NLRC5: variants seen among roughly 807,000 people sequenced by gnomAD.
NLRC5 encodes protein NLRC5.
NLRC5 carries 114 observed loss-of-function variants against 206.9 expected under a neutral mutation model. The ratio of observed to expected loss-of-function variants is 0.55; its 90% confidence interval spans 0.47 to 0.64. The LOEUF is 0.64. NLRC5 is among the 30% of genes least tolerant of loss of function. The pLI is 0.00. For missense variants in NLRC5, 2,008 were observed against 2,305.5 expected, an observed-to-expected ratio of 0.87 and a Z score of 2.64; for synonymous variants, 952 against 962.8, an observed-to-expected ratio of 0.99 and a Z score of 0.21.
intron 10 of NLRC5, among the ~76,000 whole-genome samples, chr16:57,030,453 T>TGGATGGAC (rs2061718355): frequency 7.6e-6 from 1 of 132,016 alleles, no homozygotes; most frequent in African/African-American, 2.9e-5. Flanking sequence ...GATGGATGGA[T>TGGATGGAC]GGATGGATGG....
intron 13 of NLRC5, chr16:57,034,982 C>A (rs545358265): frequency 6.6e-6 from 1 of 152,336 alleles, no homozygotes; most frequent in Admixed American, 6.5e-5. Flanking sequence ...TCGTGGTGAT[C>A]ACCTCTTGAT....
intron 48 of NLRC5, 84 bp from the exon 49 acceptor site, chr16:57,082,333 T>C: frequency 1.8e-6 from 2 of 1,087,034 alleles, no homozygotes; most frequent in Non-Finnish European, 2.8e-6. Flanking sequence ...GCTCTACCTT[T>C]TTGGGCCTCA....
chr16:57,081,403 C>G, intron 47 of NLRC5, 124 bp from the exon 48 acceptor site: 1 of 1,006,466 alleles, frequency 9.9e-7, no homozygotes. Flanking sequence ...TTTGGGTTCC[C>G]TGAGAAGGTA....
At chr16:57,016,343 A>C (rs1165970895) in intron 1 of NLRC5, among the ~76,000 whole-genome samples, 12 of 152,226 alleles carry the variant, frequency 7.9e-5, no homozygotes, top group Non-Finnish European at 1.6e-4. Flanking sequence ...CCATTATGTC[A>C]GAATGTGCCC....
chr16:57,082,682 T>C lies in NLRC5; in HGVS notation c.*154T>C. On this transcript the variant is annotated 3_prime_UTR_variant, in exon 49 of 49. Transcript: ENST00000688547. ...GGATACGTGTGTCCTGCTGCAGTCC[T>C]CAGGGAGAACTTTTTTGGGAACCAG... 2 of 588,686 alleles carry C rather than the reference T, an allele frequency of 3.4e-6. No individual in the cohort carries two copies. The allele number at this position is 588,686 out of a possible 1,614,324, so 36.5% of individuals were successfully genotyped here.
intron 15 of NLRC5, among the ~76,000 whole-genome samples, chr16:57,039,192 A>G (rs1274197436): frequency 6.6e-6 from 1 of 152,232 alleles, no homozygotes; most frequent in African/African-American, 2.4e-5. Flanking sequence ...CAGAACACTG[A>G]CTAGCAGAGA....
chr16:57,033,822 T>A (rs1451644480), intron 12 of NLRC5, among the ~76,000 whole-genome samples, 153 bp downstream of exon 12: 3 of 152,190 alleles, frequency 2.0e-5, no homozygotes, highest in African/African-American at 7.2e-5. Flanking sequence ...GGATAGCCCA[T>A]CCTGGCTTGA....
chr16:57,022,564 T>C (rs948278749), intron 4 of NLRC5, among the ~76,000 whole-genome samples: 2 of 152,210 alleles, frequency 1.3e-5, no homozygotes, highest in Non-Finnish European at 2.9e-5. Flanking sequence ...GGGTCTAACC[T>C]GGAACCCCTC....
intron 23 of NLRC5, among the ~76,000 whole-genome samples, chr16:57,048,745 G>C (rs1435237778): frequency 1.3e-5 from 2 of 152,142 alleles, no homozygotes; most frequent in African/African-American, 4.8e-5. Context: ...TGTTGGCCAG[G>C]CTGGTCTCGA....
At position 57,043,547 on chromosome 16, in the gene NLRC5, T is replaced by C. The variant is rs1375543712; in HGVS notation, c.3146T>C (p.Val1049Ala). 1 of 1,614,102 alleles carries C rather than the reference T, an allele frequency of 6.2e-7. No homozygotes were observed. Among genetic ancestry groups the C allele is most frequent in the South Asian group, 1.1e-5 (1 of 91,074 alleles). ...GAGAACGGTTTGTCCCTGGATGCCG[T>C]GTTGGGTTTGGTTCGGTGCTTCTCC... Reference protein sequence around the residue: ...LSENGLSLDAVLGLVRCFSTL... With the variant: ...LSENGLSLDAALGLVRCFSTL... Residue 1049 changes from valine to alanine, a missense_variant, in exon 20 of 49, where the codon GTG (valine) becomes GCG (alanine). Val to Ala is a moderately conservative substitution (Grantham distance 64). Coordinates refer to ENST00000688547, the MANE Select transcript of NLRC5 (RefSeq NM_001384950.1).
intron 11 of NLRC5, among the ~76,000 whole-genome samples, chr16:57,031,685 C>G (rs887388971): frequency 1.0e-4 from 15 of 149,580 alleles, no homozygotes; most frequent in Admixed American, 2.0e-4. Context: ...GGAAGCATCC[C>G]CAGAAGACTC....
intron 30 of NLRC5, among the ~76,000 whole-genome samples, chr16:57,061,192 G>A (rs969708615): frequency 1.3e-5 from 2 of 152,386 alleles, no homozygotes; most frequent in African/African-American, 2.4e-5. Flanking sequence ...GGCTGGCACA[G>A]TGCCTGACCT....
chr16:57,015,601 A>AGT (rs199869594), intron 1 of NLRC5, among the ~76,000 whole-genome samples: 26,030 of 148,958 alleles, frequency 0.17, 2,697 homozygotes, highest in African/African-American at 0.26. Flanking sequence ...AAAATAAATA[A>AGT]ATAAATAAAT....
intron 5 of NLRC5, 85 bp downstream of exon 5, chr16:57,023,938 C>A: frequency 1.6e-6 from 2 of 1,244,050 alleles, no homozygotes; most frequent in Non-Finnish European, 2.3e-6. Flanking sequence ...TTGTCCCCTG[C>A]CAATAAGCCT....
intron 39 of NLRC5, chr16:57,076,073 C>A (rs1033818906): frequency 5.1e-6 from 1 of 195,544 alleles, no homozygotes; most frequent in Non-Finnish European, 1.1e-5. Flanking sequence ...ACCACCACGC[C>A]CAGATAATTT....
chr16:57,064,662 G>A (rs535662540), intron 32 of NLRC5, among the ~76,000 whole-genome samples: 10 of 152,238 alleles, frequency 6.6e-5, no homozygotes, highest in South Asian at 6.2e-4. Flanking sequence ...AGTGGCTCAC[G>A]CCTGTAATCC....
chr16:57,058,191 G>C, intron 28 of NLRC5, 43 bp downstream of exon 28: 1 of 1,520,600 alleles, frequency 6.6e-7, no homozygotes, highest in Non-Finnish European at 9.0e-7. Context: ...AAGGAGGAAG[G>C]CTCCCCTAGG....
chr16:56,989,855 C>T (rs1359148745), intron 1 of NLRC5, among the ~76,000 whole-genome samples: 2 of 152,180 alleles, frequency 1.3e-5, no homozygotes, highest in Admixed American at 1.3e-4. Flanking sequence ...GTTGCCGGCC[C>T]GCAGAGGATG....
chr16:57,022,601 C>G (rs759261741), intron 4 of NLRC5, among the ~76,000 whole-genome samples: 1 of 152,176 alleles, frequency 6.6e-6, no homozygotes. Flanking sequence ...CTTTCCTGCC[C>G]GCAACCCGCA....
Sources: gnomAD v4.1 joint callset for allele counts (sites outside exome capture counted in the v4.1 genomes callset) on GRCh38, gnomAD v4.1.1 for gene constraint, MANE v1.5 for transcripts, NCBI Gene and HGNC (gene_info 2026-07-23, HGNC 2026-07-21) for gene names.